RBPJ: variants seen among roughly 807,000 people sequenced by gnomAD.
RBPJ encodes the protein recombining binding protein suppressor of hairless.
In RBPJ, 9 loss-of-function variants were observed where a neutral mutation model predicts 67.8. That is an observed-to-expected ratio of 0.13 (90% CI 0.08 to 0.23). The LOEUF is 0.23. Among genes scored for constraint, RBPJ ranks in the 10% least tolerant of loss-of-function variants. The pLI, the probability that RBPJ is intolerant of heterozygous loss-of-function variation, is 1.00. For missense variants in RBPJ, 305 were observed against 595.6 expected (o/e 0.51, Z 5.08); for synonymous variants, 198 against 203.3 (o/e 0.97, Z 0.22).
chr4:26,270,441 A>AAAGAAAGAAAGAAAGAAAGAAAGAAAG (rs1577375958), intron 1 of RBPJ, among the ~76,000 whole-genome samples: 3 of 116,394 alleles, frequency 2.6e-5, no homozygotes, highest in Non-Finnish European at 3.7e-5. Flanking sequence ...AAGAAAGAAG[A>AAAGAAAGAAAGAAAGAAAGAAAGAAAG]AAGAAAGAAA....
chr4:26,156,199 G>T, the RBPJ span, among the ~76,000 whole-genome samples: 1 of 152,146 alleles, frequency 6.6e-6, no homozygotes, highest in East Asian at 1.9e-4. Flanking sequence ...TTCAATAAAT[G>T]ATTACTGTTA....
At chr4:26,226,258 A>T (rs1270791104) in intron 1 of RBPJ, among the ~76,000 whole-genome samples, 2 of 152,124 alleles carry the variant, frequency 1.3e-5, no homozygotes, top group East Asian at 1.9e-4. Flanking sequence ...TGAAGCCAGG[A>T]GTCTAAGACA....
chr4:26,167,441 A>T (rs1273830020), intron 1 of RBPJ, among the ~76,000 whole-genome samples: 2 of 147,204 alleles, frequency 1.4e-5, no homozygotes, highest in Admixed American at 1.4e-4. Context: ...CGTCCCTTGT[A>T]AGTTGGATTC....
intron 1 of RBPJ, among the ~76,000 whole-genome samples, chr4:26,196,670 A>G (rs73245724): frequency 0.11 from 16,246 of 152,222 alleles, 1,109 homozygotes; most frequent in South Asian, 0.2. Context: ...ATTTAGTATG[A>G]AATATTTCAA....
chr4:26,105,906 C>A, the RBPJ span, among the ~76,000 whole-genome samples: 1 of 152,216 alleles, frequency 6.6e-6, no homozygotes, highest in Non-Finnish European at 1.5e-5. Flanking sequence ...GTGTGGACTG[C>A]AAGCAAATCT....
At chr4:26,242,558 C>T (rs1719681322) in intron 1 of RBPJ, among the ~76,000 whole-genome samples, 1 of 151,658 alleles carries the variant, frequency 6.6e-6, no homozygotes, top group African/African-American at 2.4e-5. Flanking sequence ...ATCTCCATAC[C>T]AAGATGCTGT....
At chr4:26,390,542 T>C (rs550892302) in intron 2 of RBPJ, among the ~76,000 whole-genome samples, 1 of 152,292 alleles carries the variant, frequency 6.6e-6, no homozygotes, top group East Asian at 1.9e-4. Flanking sequence ...AGCAAGGTAG[T>C]AGGATACATG....
At chr4:26,357,076 A>G (rs1464703309) in intron 1 of RBPJ, among the ~76,000 whole-genome samples, 3 of 152,232 alleles carry the variant, frequency 2.0e-5, no homozygotes, top group Non-Finnish European at 4.4e-5. Flanking sequence ...AGGTGAGCCC[A>G]AAAGGGTAGG....
At chr4:26,328,735 C>T (rs1723914505) in intron 1 of RBPJ, among the ~76,000 whole-genome samples, 1 of 152,142 alleles carries the variant, frequency 6.6e-6, no homozygotes, top group Non-Finnish European at 1.5e-5. Flanking sequence ...CTCAAGGGAT[C>T]CTCCTGCCTC....
intron 1 of RBPJ, among the ~76,000 whole-genome samples, chr4:26,232,530 A>C (rs1719325429): frequency 6.6e-6 from 1 of 152,126 alleles, no homozygotes; most frequent in Non-Finnish European, 1.5e-5. Context: ...TTAAGTTTAA[A>C]ATTTCTGTTT....
At chr4:26,226,486 T>TA (rs1239124711) in intron 1 of RBPJ, among the ~76,000 whole-genome samples, 10 of 151,978 alleles carry the variant, frequency 6.6e-5, no homozygotes, top group Admixed American at 2.0e-4. Context: ...AGGAAAAAAA[T>TA]AAATCTGGAT....
intron 1 of RBPJ, among the ~76,000 whole-genome samples, chr4:26,206,356 A>G (rs1327353135): frequency 6.6e-6 from 1 of 152,156 alleles, no homozygotes; most frequent in Admixed American, 6.5e-5. Context: ...AGTTGCTTCA[A>G]ATCATCTTCT....
intron 2 of RBPJ, among the ~76,000 whole-genome samples, chr4:26,390,830 G>C (rs1731423054): frequency 6.6e-6 from 1 of 152,164 alleles, no homozygotes; most frequent in Admixed American, 6.5e-5. Context: ...CAAGGTGTGA[G>C]GATCACTTAA....
chr4:26,255,826 A>G (rs1225804976), intron 1 of RBPJ, among the ~76,000 whole-genome samples: 1 of 151,892 alleles, frequency 6.6e-6, no homozygotes, highest in Non-Finnish European at 1.5e-5. Context: ...AAAGAAAAGA[A>G]AAAAGAAAAT....
At chr4:26,316,266 C>CAT (rs1217742336), upstream of RBPJ, among the ~76,000 whole-genome samples, 1 of 147,440 alleles carries the variant, frequency 6.8e-6, no homozygotes, top group Non-Finnish European at 1.5e-5. Context: ...TATATATATT[C>CAT]ATATATATAC....
At chr4:26,229,296 A>G (rs964202851) in intron 1 of RBPJ, among the ~76,000 whole-genome samples, 5 of 152,234 alleles carry the variant, frequency 3.3e-5, no homozygotes, top group African/African-American at 4.8e-5. Flanking sequence ...AAGATAGCTG[A>G]GGGAAACAGG....
chr4:26,297,419 A>AG (rs1721917249), intron 1 of RBPJ, among the ~76,000 whole-genome samples: 1 of 152,084 alleles, frequency 6.6e-6, no homozygotes, highest in Admixed American at 6.6e-5. Context: ...GGGGATGTAT[A>AG]GGGAGAATGT....
intron 1 of RBPJ, among the ~76,000 whole-genome samples, chr4:26,325,536 T>C (rs189917964): frequency 1.5e-3 from 221 of 152,338 alleles, no homozygotes; most frequent in African/African-American, 5.1e-3. Context: ...AGTTAATCTC[T>C]TTATCAATTG....
intron 1 of RBPJ, among the ~76,000 whole-genome samples, chr4:26,314,234 A>G (rs1375315438): frequency 6.6e-6 from 1 of 152,150 alleles, no homozygotes; most frequent in African/African-American, 2.4e-5. Flanking sequence ...ATACTCTTTC[A>G]TTCTATGTAT....
Sources: allele counts gnomAD v4.1 joint callset (sites outside exome capture counted in the v4.1 genomes callset), GRCh38; gene constraint gnomAD v4.1.1; transcripts MANE v1.5; gene names NCBI Gene and HGNC (gene_info 2026-07-23, HGNC 2026-07-21).